The following ALG9 variants were observed in gnomAD, a reference collection of about 807,000 sequenced individuals.
ALG9 encodes ALG9 alpha-1,2-mannosyltransferase.
In ALG9, 55 loss-of-function variants were observed where a neutral mutation model predicts 81.8. The observed-to-expected ratio is 0.67, with a 90% CI of 0.54 to 0.84. The LOEUF is 0.84. Among genes scored for constraint, ALG9 ranks in the 40% least tolerant of loss-of-function variants. The pLI is 0.00. For missense variants in ALG9, 629 were observed against 745.0 expected, an observed-to-expected ratio of 0.84 and a Z score of 1.81; for synonymous variants, 278 against 274.3, an observed-to-expected ratio of 1.01 and a Z score of -0.13.
chr11:111,840,653 A>T lies in ALG9; in HGVS notation c.1173+2T>A, dbSNP rs786205134. ...GCAGATACACTTCTCCCTGAAACTC[A>T]CCTGAAGTGCAGAGAGAGCCACAGC... On this transcript the variant is annotated splice_donor_variant, in intron 10 of 14. Coordinates refer to ENST00000616540, the MANE Select transcript of ALG9 (RefSeq NM_024740.2). LOFTEE classifies it high-confidence loss of function. The T allele has an allele frequency of 6.2e-7, 1 of 1,614,118 alleles. No homozygotes were observed. The highest frequency in any genetic ancestry group is 1.6e-4 in the Middle Eastern group (1 of 6,062).
At chr11:111,840,438 A>G (rs922662034) in intron 10 of ALG9, among the ~76,000 whole-genome samples, 10 of 152,370 alleles carry the variant, frequency 6.6e-5, no homozygotes, top group African/African-American at 2.2e-4. Flanking sequence ...AAAGTAACAC[A>G]CAAATTAACA....
At chr11:111,799,182 C>G (rs1555078254) in intron 14 of ALG9, among the ~76,000 whole-genome samples, 1 of 152,172 alleles carries the variant, frequency 6.6e-6, no homozygotes, top group Admixed American at 6.5e-5. Context: ...CAGTCTCGCT[C>G]TGTCACCAGG....
chr11:111,780,173 G>C (rs1945850070), downstream of ALG9, among the ~76,000 whole-genome samples: 1 of 152,118 alleles, frequency 6.6e-6, no homozygotes, highest in Admixed American at 6.5e-5. Flanking sequence ...AACTTGTTCA[G>C]AAGGCCTCCT....
chr11:111,851,378 C>T, intron 8 of ALG9, among the ~76,000 whole-genome samples: 1 of 151,256 alleles, frequency 6.6e-6, no homozygotes, highest in Non-Finnish European at 1.5e-5. Context: ...ACTCAGGAGG[C>T]TGAGGCAGGA....
Position 111,786,239 on chromosome 11 carries a change from C to T in ALG9, c.*158G>A. The T allele has an allele frequency of 8.3e-7, 1 of 1,204,406 alleles. No homozygotes were observed. Among genetic ancestry groups the T allele is most frequent in the Non-Finnish European group, 1.2e-6 (1 of 820,638 alleles). 74.6% of individuals were successfully genotyped at this position (1,204,406 alleles called of 1,614,324 possible). A position where few individuals can be genotyped will look rare whatever the true frequency, so the allele number is the denominator to read the frequency against. ...GGGAGCAAATGTGACTTTGATTAGA[C>T]TTTGAAATAGACTTTGACTAGCCCA... On this transcript the variant is annotated 3_prime_UTR_variant, in exon 15 of 15. Transcript: ENST00000616540.
Position 111,828,448 on chromosome 11 carries a change from T to C in ALG9, c.1602+7717A>G, listed in dbSNP as rs75847539. Among the ~76,000 whole-genome samples the C allele has an allele frequency of 1.1e-4, 16 of 152,362 alleles. No homozygotes were observed. The East Asian group carries it at 3.1e-3, about 29-fold the overall frequency. ...GCCTTGTGCACTGCGGCATCCTCTTTAGTCCTAGGTTTCTAACAAAAAGCG... is the reference window on the plus strand; with the variant it reads ...GCCTTGTGCACTGCGGCATCCTCTTCAGTCCTAGGTTTCTAACAAAAAGCG... On this transcript the variant is annotated intron_variant, in intron 13 of 14. Transcript: ENST00000616540.
intron 14 of ALG9, among the ~76,000 whole-genome samples, chr11:111,804,349 C>G (rs1429248226): frequency 2.0e-4 from 31 of 152,242 alleles, no homozygotes; most frequent in Non-Finnish European, 1.2e-4. Context: ...AGTGAGAAGA[C>G]AAGCCACAGA....
chr11:111,802,170 C>A (rs1037935168), intron 14 of ALG9, among the ~76,000 whole-genome samples: 1 of 152,222 alleles, frequency 6.6e-6, no homozygotes. Context: ...CACTTCCCTG[C>A]AGAAACCTTC....
intron 8 of ALG9, among the ~76,000 whole-genome samples, chr11:111,851,442 C>T (rs1247864520): frequency 2.1e-5 from 3 of 141,302 alleles, no homozygotes; most frequent in Non-Finnish European, 4.5e-5. Context: ...CATGCCACTG[C>T]ATCCAGTCTG....
chr11:111,773,911 T>C, the ALG9 span, among the ~76,000 whole-genome samples: 2 of 151,212 alleles, frequency 1.3e-5, no homozygotes, highest in African/African-American at 2.4e-5. Context: ...TATGTCACCA[T>C]GCCTGGCTAA....
chr11:111,849,035 A>G (rs1193793923), intron 8 of ALG9, among the ~76,000 whole-genome samples: 1 of 149,826 alleles, frequency 6.7e-6, no homozygotes, highest in Non-Finnish European at 1.5e-5. Context: ...AATTTATTCA[A>G]TGTTTCTTTC....
chr11:111,870,085 T>A, intron 2 of ALG9, 147 bp downstream of exon 2: 4 of 986,376 alleles, frequency 4.1e-6, no homozygotes, highest in Non-Finnish European at 5.5e-6. Flanking sequence ...GTGCTGGGAT[T>A]ATAGGCCTGT....
chr11:111,812,052 A>AT (rs565031136), intron 13 of ALG9, among the ~76,000 whole-genome samples: 1 of 152,176 alleles, frequency 6.6e-6, no homozygotes, highest in Non-Finnish European at 1.5e-5. Context: ...ATTTCAAATA[A>AT]TTTTTTTGAT....
chr11:111,831,851 T>G (rs1222420871), intron 13 of ALG9, among the ~76,000 whole-genome samples: 1 of 152,244 alleles, frequency 6.6e-6, no homozygotes, highest in Non-Finnish European at 1.5e-5. Flanking sequence ...TCTGTTCTAA[T>G]ACTAGTTTCA....
chr11:111,804,554 G>A (rs1327285192), intron 14 of ALG9, among the ~76,000 whole-genome samples: 1 of 152,148 alleles, frequency 6.6e-6, no homozygotes, highest in African/African-American at 2.4e-5. Flanking sequence ...CTACACCACT[G>A]TACTCCAGCT....
chr11:111,795,693 C>T (rs545121566), intron 14 of ALG9, among the ~76,000 whole-genome samples: 4 of 152,194 alleles, frequency 2.6e-5, no homozygotes, highest in East Asian at 1.9e-4. Flanking sequence ...AAACTGGAAT[C>T]GTGGCATCGT....
intron 6 of ALG9, among the ~76,000 whole-genome samples, chr11:111,857,347 T>C (rs1458950347): frequency 6.6e-6 from 1 of 152,122 alleles, no homozygotes; most frequent in East Asian, 1.9e-4. Context: ...TCCTGCAGAG[T>C]TGTTGTAAGG....
chr11:111,833,517 T>C (rs556593771), intron 13 of ALG9, among the ~76,000 whole-genome samples: 1 of 152,184 alleles, frequency 6.6e-6, no homozygotes, highest in South Asian at 2.1e-4. Context: ...AATAGTGAAA[T>C]AAAAAAAGTC....
At chr11:111,827,754 GCTA>G (rs1443945073) in intron 13 of ALG9, among the ~76,000 whole-genome samples, 2 of 151,460 alleles carry the variant, frequency 1.3e-5, no homozygotes, top group Middle Eastern at 3.4e-3. Flanking sequence ...TGTAATCCCA[GCTA>G]CTCGGTAGCT....
Sources: gnomAD v4.1 joint callset for allele counts (sites outside exome capture counted in the v4.1 genomes callset) on GRCh38, gnomAD v4.1.1 for gene constraint, MANE v1.5 for transcripts, NCBI Gene and HGNC (gene_info 2026-07-23, HGNC 2026-07-21) for gene names.